RECK: variants seen among roughly 807,000 people sequenced by gnomAD.
The protein encoded by RECK is reversion-inducing cysteine-rich protein with Kazal motifs.
Under a neutral mutation model 115.1 loss-of-function variants are expected in RECK, and 69 were observed. The observed-to-expected ratio is 0.60, with a 90% CI of 0.49 to 0.73. The LOEUF is 0.73. Ranked by LOEUF, RECK falls within the 30% of genes least tolerant of loss-of-function variation. The pLI is 0.00. For synonymous variants in RECK, 414 were observed against 419.7 expected, an observed-to-expected ratio of 0.99 and a Z score of 0.17; for missense variants, 1,047 against 1,203.7, an observed-to-expected ratio of 0.87 and a Z score of 1.93.
At chr9:36,064,450 AGCC>A (rs1821910030) in intron 5 of RECK, among the ~76,000 whole-genome samples, 1 of 152,236 alleles carries the variant, frequency 6.6e-6, no homozygotes, top group Admixed American at 6.5e-5. Context: ...AGGAAAAACT[AGCC>A]TCTTGGTTCC....
Position 36,117,131 on chromosome 9 carries a change from C to T in RECK, c.2207C>T (p.Thr736Ile). The change falls in exon 17 of 21, where the codon ACT becomes ATT. Residue 736 changes from threonine to isoleucine, a missense_variant. By Grantham distance (89) the Thr-to-Ile change is moderately conservative. Transcript: ENST00000377966. ...TDHMEHNNLCTLYQRGKSLSY... is the reference protein window; with the variant it reads ...TDHMEHNNLCILYQRGKSLSY... ...CACATGGAGCACAACAATCTCTGCA[C>T]TTTATACCAAAGAGGAAAAAGCCTC... 6.2e-7 allele frequency: 1 copy of T among 1,613,860 alleles called. No individual in the cohort carries two copies. The highest frequency in any genetic ancestry group is 8.5e-7 in the Non-Finnish European group (1 of 1,179,834).
chr9:36,087,880 T>A lies in RECK; in HGVS notation c.824T>A (p.Val275Asp), dbSNP rs901166963. The change falls in exon 9 of 21, where the codon GTC becomes GAC. Residue 275 changes from valine to aspartate, a missense_variant. Transcript: ENST00000377966. ...AGCTCACAATCTGTTCACCCTGGAG[T>A]CACTGTACACCCTCCTCCCTCTACA... ...LESSQSVHPG[V>D]TVHPPPSTGL... is the part of the protein sequence containing the mutation. 1 of 1,613,686 alleles carries A rather than the reference T, an allele frequency of 6.2e-7. No individual in the cohort carries two copies.
chr9:36,123,175 ATT>A lies in RECK; in HGVS notation c.*140_*141del, dbSNP rs879128364. On this transcript the variant is annotated 3_prime_UTR_variant, in exon 21 of 21. Transcript: ENST00000377966. ...ATGTCACCTCTATTCGCCACACAGT[ATT>A]TTTTTTTTTAATCCGCCAATATTAG... The A allele has an allele frequency of 1.2e-4, 60 of 518,114 alleles. No homozygotes were observed. The highest frequency in any genetic ancestry group is 2.7e-4 in the South Asian group (9 of 33,264). The allele number at this position is 518,114 out of a possible 1,614,324, so 32.1% of individuals were successfully genotyped here.
At chr9:36,112,546 A>G in intron 16 of RECK, 70 bp downstream of exon 16, 1 of 1,462,006 alleles carries the variant, frequency 6.8e-7, no homozygotes, top group South Asian at 1.2e-5. Flanking sequence ...CATATACCAG[A>G]CAGTGAAAAC....
At chr9:36,106,054 A>G (rs1823796111) in intron 13 of RECK, among the ~76,000 whole-genome samples, 1 of 151,800 alleles carries the variant, frequency 6.6e-6, no homozygotes, top group South Asian at 2.1e-4. Flanking sequence ...TCTACTGAAA[A>G]TACAAAATAT....
Position 36,042,423 on chromosome 9 carries a change from A to AGTGTGTGTGTGT in RECK, c.100+5356_100+5367dup, listed in dbSNP as rs35193636. The stretch of plus-strand genomic sequence containing the variant: ...TTTTTATGGCTGAGTAGTATTCCAT[A>AGTGTGTGTGTGT]GTGTGTGTGTGTGTGTGTGTGTGTG... On this transcript the variant is annotated intron_variant, in intron 1 of 20. Transcript: ENST00000377966. Among the ~76,000 whole-genome samples, 389 of 144,448 alleles carry AGTGTGTGTGTGT rather than the reference A, an allele frequency of 2.7e-3. 1 individual carries two copies. Among genetic ancestry groups the AGTGTGTGTGTGT allele is most frequent in the Admixed American group, 4.1e-3 (60 of 14,488 alleles). 94.8% of individuals were successfully genotyped at this position (144,448 alleles called of 152,430 possible).
At chr9:36,085,142 AC>A in intron 8 of RECK, 1 of 188,202 alleles carries the variant, frequency 5.3e-6, no homozygotes, top group Non-Finnish European at 1.2e-5. Flanking sequence ...TTTAGTTTAT[AC>A]CTAATTGTTT....
chr9:36,117,218 A>G, intron 17 of RECK, 41 bp downstream of exon 17: 4 of 1,490,684 alleles, frequency 2.7e-6, no homozygotes, highest in Non-Finnish European at 3.6e-6. Context: ...CACTACGGAT[A>G]AAATTGGTTT....
chr9:36,103,643 G>C (rs1024277510), intron 12 of RECK, among the ~76,000 whole-genome samples: 1 of 151,000 alleles, frequency 6.6e-6, no homozygotes, highest in African/African-American at 2.4e-5. Flanking sequence ...TGGATTTGTA[G>C]CTGGTAGATT....
At chr9:36,098,187 T>C (rs1220979675) in intron 10 of RECK, among the ~76,000 whole-genome samples, 1 of 152,204 alleles carries the variant, frequency 6.6e-6, no homozygotes, top group East Asian at 1.9e-4. Context: ...GTTGTATACT[T>C]GAAAGTTGCC....
intron 6 of RECK, among the ~76,000 whole-genome samples, chr9:36,067,962 A>T (rs1588290906): frequency 1.3e-5 from 2 of 152,302 alleles, no homozygotes; most frequent in South Asian, 4.1e-4. Context: ...CACATGGCTT[A>T]TGCAGGAGGA....
chr9:36,076,773 G>A (rs1822468252), intron 6 of RECK, among the ~76,000 whole-genome samples: 1 of 152,082 alleles, frequency 6.6e-6, no homozygotes, highest in Non-Finnish European at 1.5e-5. Flanking sequence ...CAAGAAAATG[G>A]TGACCTTTTT....
rs6476514 is a variant in RECK at position 36,046,599 on chromosome 9, A to T, written c.101-5666A>T. On this transcript the variant is annotated intron_variant, in intron 1 of 20. Coordinates refer to ENST00000377966, the MANE Select transcript of RECK (RefSeq NM_021111.3). ...AAGAGAAGACATATGCTGTTACAGAAGAACATTTGGTTGGGAGGAGGAAAG... is the reference window on the plus strand; with the variant it reads ...AAGAGAAGACATATGCTGTTACAGATGAACATTTGGTTGGGAGGAGGAAAG... 4.6e-5 allele frequency among the ~76,000 whole-genome samples: 7 copies of T among 152,008 alleles called. 1 individual carries two copies. In the East Asian group the frequency reaches 9.7e-4, roughly 21 times the overall value.
At chr9:36,082,580 AC>A (rs1221765806) in intron 7 of RECK, among the ~76,000 whole-genome samples, 1 of 151,912 alleles carries the variant, frequency 6.6e-6, no homozygotes, top group Non-Finnish European at 1.5e-5. Flanking sequence ...CCACATCTGC[AC>A]CCCCAGCTAC....
At chr9:36,037,625 G>A (rs960304436) in intron 1 of RECK, among the ~76,000 whole-genome samples, 4 of 151,778 alleles carry the variant, frequency 2.6e-5, no homozygotes, top group African/African-American at 9.7e-5. Flanking sequence ...TGTCCCCCGG[G>A]GGCTGGCAGG....
chr9:36,052,177 GAATAA>G, intron 1 of RECK, 83 bp from the exon 2 acceptor site: 1 of 783,872 alleles, frequency 1.3e-6, no homozygotes, highest in Non-Finnish European at 2.3e-6. Flanking sequence ...ATCATCTACT[GAATAA>G]ATGGTTTGTG....
chr9:36,080,992 A>G (rs969637054), intron 7 of RECK, among the ~76,000 whole-genome samples: 3 of 152,218 alleles, frequency 2.0e-5, no homozygotes, highest in African/African-American at 7.2e-5. Context: ...ACCTGTACAC[A>G]AAGAATGCTG....
chr9:36,101,951 C>T (rs1214687334), intron 11 of RECK, 143 bp from the exon 12 acceptor site: 9 of 735,864 alleles, frequency 1.2e-5, no homozygotes, highest in Non-Finnish European at 1.9e-5. Context: ...TCAACCTGAG[C>T]TCTCCTGTGA....
Position 36,123,077 on chromosome 9 carries a change from C to G in RECK, c.*32C>G, listed in dbSNP as rs752775679. 2 of 1,541,890 alleles carry G rather than the reference C, an allele frequency of 1.3e-6. No homozygotes were observed. The highest frequency in any genetic ancestry group is 1.8e-6 in the Non-Finnish European group (2 of 1,122,012). On this transcript the variant is annotated 3_prime_UTR_variant, in exon 21 of 21. Coordinates refer to ENST00000377966, the MANE Select transcript of RECK (RefSeq NM_021111.3). The stretch of plus-strand genomic sequence containing the variant: ...ACGGAAAGTGCAGAATGCTCCTCCA[C>G]CTCACTCTCCTGCCTTGAAAAAGAC...
Sources: allele counts gnomAD v4.1 joint callset (sites outside exome capture counted in the v4.1 genomes callset), GRCh38; gene constraint gnomAD v4.1.1; transcripts MANE v1.5; gene names NCBI Gene and HGNC (gene_info 2026-07-23, HGNC 2026-07-21).